Variants in NOS2 observed in about 807,000 individuals in gnomAD.
The protein encoded by NOS2 is nitric oxide synthase, inducible.
A neutral mutation model predicts 136.0 loss-of-function variants in NOS2; 96 were observed. The observed-to-expected ratio is 0.71, with a 90% CI of 0.60 to 0.84. The LOEUF (loss-of-function observed/expected upper bound fraction) is 0.84. NOS2 is among the 40% of genes least tolerant of loss of function. NOS2 has a pLI of 0.00. For missense variants in NOS2, 1,237 were observed against 1,496.9 expected (o/e 0.83, Z 2.87); for synonymous variants, 539 against 587.5 (o/e 0.92, Z 1.20).
In NOS2 at chr17:27,772,405, C is replaced by T. The variant is rs969669265; in HGVS notation, c.1607G>A (p.Arg536Gln). ...CMLMRKTMASRVRVTILFATE... is the reference protein window; with the variant it reads ...CMLMRKTMASQVRVTILFATE... ...CGCAAAGAGGATGGTGACTCTGACT[C>T]GGGACGCCATTGTCTTGCGCATCAG... is the stretch of plus-strand genomic sequence containing the variant. The change falls in exon 14 of 27, where the codon CGA (arginine) becomes CAA (glutamine). Residue 536 changes from arginine (R) to glutamine (Q), a missense_variant. Around this residue, in one of 3 missense-constraint regions of NOS2, gnomAD observed 782 missense variants for 909.9 expected, o/e 0.86. Coordinates refer to ENST00000313735, the MANE Select transcript of NOS2 (RefSeq NM_000625.4). The T allele has an allele frequency of 3.7e-6, 6 of 1,614,072 alleles. No homozygotes were observed. The highest frequency in any genetic ancestry group is 3.3e-5 in the Admixed American group (2 of 60,020).
At chr17:27,784,207 C>T (rs1908945466) in intron 5 of NOS2, among the ~76,000 whole-genome samples, 1 of 150,802 alleles carries the variant, frequency 6.6e-6, no homozygotes, top group African/African-American at 2.5e-5. Context: ...CCAGTCAGCA[C>T]CAAAGCCTTT....
intron 20 of NOS2, among the ~76,000 whole-genome samples, chr17:27,764,439 A>G (rs1908232773): frequency 6.6e-6 from 1 of 152,234 alleles, no homozygotes; most frequent in Non-Finnish European, 1.5e-5. Context: ...CTGGTGATCT[A>G]CAGACTCACA....
chr17:27,761,235 C>T lies in NOS2; in HGVS notation c.2801-4G>A. The T allele has an allele frequency of 6.2e-7, 1 of 1,602,536 alleles. No homozygotes were observed. Among genetic ancestry groups the T allele is most frequent in the Non-Finnish European group, 8.5e-7 (1 of 1,175,856 alleles). On this transcript the variant is annotated splice_region_variant and splice_polypyrimidine_tract_variant and intron_variant, in intron 22 of 26. Transcript: ENST00000313735. Reference sequence around the variant, plus strand: ...TGGTGCAGGGGACCCTGGCCATCTGCAACGATACCACAAAGTGACCAACGT... The same window carrying T: ...TGGTGCAGGGGACCCTGGCCATCTGTAACGATACCACAAAGTGACCAACGT...
chr17:27,790,305 G>GCTGGCCTCAAACTC (rs1909150254), intron 2 of NOS2, among the ~76,000 whole-genome samples: 1 of 152,088 alleles, frequency 6.6e-6, no homozygotes, highest in Non-Finnish European at 1.5e-5. Flanking sequence ...TGTTGCCCAG[G>GCTGGCCTCAAACTC]CTGGCCTCAA....
At chr17:27,762,546 C>T (rs925206576) in intron 22 of NOS2, among the ~76,000 whole-genome samples, 2 of 152,228 alleles carry the variant, frequency 1.3e-5, no homozygotes, top group Non-Finnish European at 2.9e-5. Context: ...AACAGTGTGA[C>T]TTTCTGTGCC....
chr17:27,799,951 A>G (rs1200509056), intron 1 of NOS2, among the ~76,000 whole-genome samples: 2 of 152,236 alleles, frequency 1.3e-5, no homozygotes, highest in African/African-American at 2.4e-5. Flanking sequence ...TCCTGGATCA[A>G]GTTATTTAAC....
intron 2 of NOS2, among the ~76,000 whole-genome samples, chr17:27,793,085 A>G (rs977164678): frequency 6.6e-6 from 1 of 151,270 alleles, no homozygotes; most frequent in African/African-American, 2.4e-5. Context: ...TCACAGCTGC[A>G]GACTGTGGCT....
intron 18 of NOS2, among the ~76,000 whole-genome samples, 198 bp downstream of exon 18, chr17:27,767,507 C>G (rs551467900): frequency 6.6e-6 from 1 of 152,374 alleles, no homozygotes; most frequent in East Asian, 1.9e-4. Context: ...GTCTCCACCA[C>G]CCTCCTGGGG....
At chr17:27,772,075 T>C (rs916809465) in intron 14 of NOS2, among the ~76,000 whole-genome samples, 1 of 152,236 alleles carries the variant, frequency 6.6e-6, no homozygotes, top group East Asian at 1.9e-4. Context: ...AGGCCTGGAT[T>C]CATTGTGAAA....
At chr17:27,782,208 C>G (rs1908871686) in intron 6 of NOS2, 102 bp from the exon 7 acceptor site, 2 of 960,324 alleles carry the variant, frequency 2.1e-6, no homozygotes, top group South Asian at 2.8e-5. Flanking sequence ...CCGAAACACT[C>G]AACACACAAA....
At chr17:27,777,905 C>T (rs181353775) in intron 11 of NOS2, among the ~76,000 whole-genome samples, 31 of 151,912 alleles carry the variant, frequency 2.0e-4, no homozygotes, top group Admixed American at 1.1e-3. Flanking sequence ...ATTAGGCAAG[C>T]GTGGTATGCA....
intron 9 of NOS2, among the ~76,000 whole-genome samples, chr17:27,779,561 T>C (rs775386879): frequency 2.5e-4 from 38 of 152,112 alleles, no homozygotes; most frequent in Non-Finnish European, 5.3e-4. Context: ...GATTCTGAGT[T>C]AATCCCAGCC....
At chr17:27,779,095 T>C (rs756815973) in intron 9 of NOS2, 39 bp from the exon 10 acceptor site, 6 of 1,341,772 alleles carry the variant, frequency 4.5e-6, no homozygotes, top group Non-Finnish European at 5.8e-6. Context: ...GGGGCCTTCC[T>C]TATTTTTATT....
intron 22 of NOS2, 63 bp downstream of exon 22, chr17:27,762,735 G>T: frequency 8.3e-7 from 1 of 1,202,488 alleles, no homozygotes; most frequent in Non-Finnish European, 1.2e-6. Flanking sequence ...AATCTGAGTT[G>T]ATGAACAGAT....
Position 27,766,500 on chromosome 17 carries a change from T to C in NOS2, c.2246+10A>G. The stretch of plus-strand genomic sequence containing the variant: ...GAGTATCACCCACGAAGCCCTGCAC[T>C]TTCCCTTACCTGGATGTCGGACTTT... On this transcript the variant is annotated intron_variant, in intron 19 of 26. Transcript: ENST00000313735. 1 of 1,611,574 alleles carries C rather than the reference T, an allele frequency of 6.2e-7. No individual in the cohort carries two copies. The highest frequency in any genetic ancestry group is 8.5e-7 in the Non-Finnish European group (1 of 1,177,610).
chr17:27,777,049 G>A (rs951328308), intron 11 of NOS2, among the ~76,000 whole-genome samples: 24 of 152,198 alleles, frequency 1.6e-4, no homozygotes, highest in African/African-American at 5.1e-4. Flanking sequence ...GAGTCCCCAG[G>A]AGTCAGGATG....
chr17:27,767,566 C>G (rs1047561112), intron 18 of NOS2, 139 bp downstream of exon 18: 2 of 991,654 alleles, frequency 2.0e-6, no homozygotes, highest in Non-Finnish European at 2.9e-6. Flanking sequence ...TATGCCCTAA[C>G]AGGCTCTTGC....
chr17:27,759,961 T>G lies in NOS2; in HGVS notation c.3159+69A>C, dbSNP rs1399762994. 68 of 1,415,566 alleles carry G rather than the reference T, an allele frequency of 4.8e-5. No homozygotes were observed. In the South Asian group the frequency reaches 1.1e-3, roughly 23 times the overall value. The allele number at this position is 1,415,566 out of a possible 1,614,324, so 87.7% of individuals were successfully genotyped here. A position where few individuals can be genotyped will look rare whatever the true frequency, so the allele number is the denominator to read the frequency against. On this transcript the variant is annotated intron_variant, in intron 25 of 26. Transcript: ENST00000313735. ...TGAAGGCTCGGGGAGGCGAGGGGCCTGTGGGGACCCAGGGCTCACAGTGGA... is the reference window on the plus strand; with the variant it reads ...TGAAGGCTCGGGGAGGCGAGGGGCCGGTGGGGACCCAGGGCTCACAGTGGA...
intron 7 of NOS2, among the ~76,000 whole-genome samples, 166 bp downstream of exon 7, chr17:27,781,849 C>T (rs549286666): frequency 2.6e-5 from 4 of 152,164 alleles, no homozygotes; most frequent in Admixed American, 2.6e-4. Flanking sequence ...AGGGGCTGGG[C>T]TCACTACTGG....
Sources: gnomAD v4.1 joint callset for allele counts (sites outside exome capture counted in the v4.1 genomes callset) on GRCh38, gnomAD v4.1.1 for gene constraint, gnomAD v4.1.1 regional missense constraint, MANE v1.5 for transcripts, NCBI Gene and HGNC (gene_info 2026-07-23, HGNC 2026-07-21) for gene names.